The following THBS4 variants were observed in gnomAD, a reference collection of about 807,000 sequenced individuals.
The protein encoded by THBS4 is thrombospondin 4, also known as thrombospondin-4.
A neutral mutation model predicts 115.7 loss-of-function variants in THBS4; 90 were observed. That is an observed-to-expected ratio of 0.78 (90% CI 0.66 to 0.93). The LOEUF (loss-of-function observed/expected upper bound fraction) is 0.93, where lower values mean the gene tolerates loss of function less well. Ranked by LOEUF, THBS4 falls within the 40% of genes least tolerant of loss-of-function variation. The pLI is 0.00. For missense variants in THBS4, 1,087 were observed against 1,232.7 expected (o/e 0.88, Z 1.77); for synonymous variants, 460 against 479.3 (o/e 0.96, Z 0.53).
At chr5:80,079,458 A>G (rs1156797189) in intron 19 of THBS4, among the ~76,000 whole-genome samples, 200 bp downstream of exon 19, 1 of 152,208 alleles carries the variant, frequency 6.6e-6, no homozygotes, top group Non-Finnish European at 1.5e-5. Flanking sequence ...TCATGGTGGG[A>G]ATCCCAGCCT....
At chr5:80,078,650 T>C (rs567540986) in intron 17 of THBS4, among the ~76,000 whole-genome samples, 5 of 152,332 alleles carry the variant, frequency 3.3e-5, no homozygotes, top group African/African-American at 9.6e-5. Context: ...ATATGTTGTA[T>C]GCTCCCCAGT....
At chr5:79,995,257 G>A (rs1831767835) in intron 1 of THBS4, among the ~76,000 whole-genome samples, 1 of 152,168 alleles carries the variant, frequency 6.6e-6, no homozygotes, top group African/African-American at 2.4e-5. Flanking sequence ...TTGTTACATG[G>A]ACATTATAAG....
intron 20 of THBS4, among the ~76,000 whole-genome samples, chr5:80,080,508 CT>C (rs1743432666): frequency 1.0e-5 from 1 of 97,772 alleles, no homozygotes; most frequent in African/African-American, 4.8e-5. Flanking sequence ...TTCACCCTGA[CT>C]GCAGCACTAT....
intron 10 of THBS4, among the ~76,000 whole-genome samples, chr5:80,068,936 A>G (rs888473790): frequency 2.6e-5 from 4 of 152,084 alleles, no homozygotes; most frequent in African/African-American, 9.7e-5. Context: ...CCAAGGATCC[A>G]GAGTCCTCAG....
At chr5:80,000,803 C>T (rs1348600574) in intron 2 of THBS4, among the ~76,000 whole-genome samples, 3 of 151,938 alleles carry the variant, frequency 2.0e-5, no homozygotes, top group African/African-American at 2.4e-5. Context: ...TCCAAGAGAG[C>T]GTATGTGTGT....
chr5:80,019,448 C>T (rs1176946813), intron 2 of THBS4, among the ~76,000 whole-genome samples: 1 of 152,038 alleles, frequency 6.6e-6, no homozygotes, highest in African/African-American at 2.4e-5. Flanking sequence ...TATTAAATGG[C>T]ATTATGGAAT....
chr5:80,021,546 A>G (rs966249021), intron 2 of THBS4, among the ~76,000 whole-genome samples: 12 of 151,854 alleles, frequency 7.9e-5, no homozygotes, highest in Non-Finnish European at 1.8e-4. Context: ...GGTCTCTGTC[A>G]TCCAGGCTGG....
rs544615631 is a variant in THBS4 at position 80,013,908 on chromosome 5, T to C, written n.177+15481T>C. Among the ~76,000 whole-genome samples, 14 of 152,260 alleles carry C rather than the reference T, an allele frequency of 9.2e-5. No homozygotes were observed. The South Asian group carries it at 2.9e-3, about 32-fold the overall frequency. ...GTAGATACCCCATAACTAAGCGTCT[T>C]TGAAGGAAGTTTACCATAAGGTAAG... is the stretch of plus-strand genomic sequence containing the variant. On this transcript the variant is annotated intron_variant and non_coding_transcript_variant, in intron 2 of 3. Coordinates refer to the THBS4 transcript ENST00000510218.
intron 2 of THBS4, among the ~76,000 whole-genome samples, chr5:80,041,351 A>G (rs1368825492): frequency 6.6e-6 from 1 of 152,118 alleles, no homozygotes; most frequent in Admixed American, 6.5e-5. Flanking sequence ...TCCAAATACC[A>G]TCACACTGGA....
intron 17 of THBS4, 70 bp downstream of exon 17, chr5:80,078,297 C>CATGT: frequency 1.5e-6 from 2 of 1,353,546 alleles, no homozygotes; most frequent in Non-Finnish European, 2.0e-6. Flanking sequence ...AGTGGTAGGT[C>CATGT]ATGTTTAGAG....
chr5:80,042,498 G>A (rs906614443), intron 2 of THBS4, among the ~76,000 whole-genome samples: 2 of 152,320 alleles, frequency 1.3e-5, no homozygotes, highest in Middle Eastern at 3.4e-3. Context: ...TGGCCAGTAT[G>A]TGTGAGCCCA....
intron 2 of THBS4, among the ~76,000 whole-genome samples, chr5:80,011,721 A>G (rs1297251903): frequency 6.6e-6 from 1 of 152,156 alleles, no homozygotes; most frequent in African/African-American, 2.4e-5. Context: ...CTCTGCAGGA[A>G]GGGGCTCCTG....
At chr5:80,057,116 A>G (rs1002201765) in intron 3 of THBS4, among the ~76,000 whole-genome samples, 20 of 152,206 alleles carry the variant, frequency 1.3e-4, no homozygotes, top group Admixed American at 1.2e-3. Context: ...TATGGAAAAA[A>G]ATTAATAGAA....
chr5:80,030,497 A>T (rs1832564309), upstream of THBS4, among the ~76,000 whole-genome samples: 1 of 152,044 alleles, frequency 6.6e-6, no homozygotes, highest in Non-Finnish European at 1.5e-5. Context: ...CCTCCTGAGT[A>T]GCTAGGATTA....
At chr5:80,068,253 A>C (rs1255076762) in intron 10 of THBS4, 128 bp downstream of exon 10, 2 of 1,183,238 alleles carry the variant, frequency 1.7e-6, no homozygotes, top group African/African-American at 1.5e-5. Context: ...ATGAGCATGG[A>C]GTGTAATAGG....
chr5:80,040,230 C>A lies in THBS4; in HGVS notation c.242C>A (p.Thr81Asn), dbSNP rs758421463. The A allele has an allele frequency of 6.2e-7, 1 of 1,614,120 alleles. No individual in the cohort carries two copies. Among genetic ancestry groups the A allele is most frequent in the Non-Finnish European group, 8.5e-7 (1 of 1,180,012 alleles). The change falls in exon 2 of 22, where the codon ACT (threonine) becomes AAT (asparagine). Residue 81 changes from threonine (T) to asparagine (N), a missense_variant. Thr to Asn is a moderately conservative substitution (Grantham distance 65). Around this residue, in one of 3 missense-constraint regions of THBS4, gnomAD observed 979 missense variants for 1,103.7 expected, o/e 0.89. Transcript: ENST00000350881. ...ACCATCTTCGGTCTTTACTCTTCAA[C>A]TGACAACAGTAAATATTTTGAATTT... ...SATIFGLYSSTDNSKYFEFTV... is the reference protein window; with the variant it reads ...SATIFGLYSSNDNSKYFEFTV...
At chr5:80,036,235 A>G in intron 1 of THBS4, 2 of 979,794 alleles carry the variant, frequency 2.0e-6, no homozygotes, top group Middle Eastern at 5.3e-4. Flanking sequence ...CTTTGCAGCA[A>G]GATGGATGCA....
intron 2 of THBS4, among the ~76,000 whole-genome samples, chr5:80,050,100 A>C (rs1210138416): frequency 6.6e-6 from 1 of 152,170 alleles, no homozygotes; most frequent in Non-Finnish European, 1.5e-5. Flanking sequence ...GGTGAGTGAA[A>C]ACCAAGGATG....
At chr5:80,016,749 T>G (rs1175078242) in intron 2 of THBS4, among the ~76,000 whole-genome samples, 3 of 152,320 alleles carry the variant, frequency 2.0e-5, no homozygotes, top group African/African-American at 7.2e-5. Context: ...GTCCTGTTAG[T>G]GATTTGCACT....
Sources: gnomAD v4.1 joint callset for allele counts (sites outside exome capture counted in the v4.1 genomes callset) on GRCh38, gnomAD v4.1.1 for gene constraint, gnomAD v4.1.1 regional missense constraint, MANE v1.5 for transcripts, NCBI Gene and HGNC (gene_info 2026-07-23, HGNC 2026-07-21) for gene names.